The following OPCML variants were observed in gnomAD, a reference collection of about 807,000 sequenced individuals.
OPCML encodes the protein opioid-binding protein/cell adhesion molecule.
In OPCML, 13 loss-of-function variants were observed where a neutral mutation model predicts 37.8. The ratio of observed to expected loss-of-function variants is 0.34; its 90% confidence interval spans 0.22 to 0.55. The LOEUF (loss-of-function observed/expected upper bound fraction) is 0.55. Ranked by LOEUF, OPCML falls within the 20% of genes least tolerant of loss-of-function variation. The probability of loss-of-function intolerance (pLI) is 0.91; values close to 1 mark genes in which losing one functional copy is unlikely to be tolerated. For missense variants in OPCML, 341 were observed against 435.6 expected, an observed-to-expected ratio of 0.78 and a Z score of 1.93; for synonymous variants, 176 against 168.8, an observed-to-expected ratio of 1.04 and a Z score of -0.33.
In OPCML at chr11:132,872,815, C is replaced by G. The variant is rs116338841; in HGVS notation, c.146+70111G>C. Among the ~76,000 whole-genome samples the G allele has an allele frequency of 3.3e-3, 503 of 152,164 alleles. 2 individuals are homozygous for G. The highest frequency in any genetic ancestry group is 0.011 in the African/African-American group (475 of 41,528). On this transcript the variant is annotated intron_variant, in intron 2 of 7. Coordinates refer to ENST00000524381, the MANE Select transcript of OPCML (RefSeq NM_001012393.5). Reference sequence around the variant, plus strand: ...CCTGATTTTGCTACCATCCTCCATGCCTTGATTTCTTTTCCTGTCATGCCA... The same window carrying G: ...CCTGATTTTGCTACCATCCTCCATGGCTTGATTTCTTTTCCTGTCATGCCA...
chr11:133,451,826 G>A (rs991304553), intron 1 of OPCML, among the ~76,000 whole-genome samples: 1 of 149,964 alleles, frequency 6.7e-6, no homozygotes. Flanking sequence ...TGGGCAACAA[G>A]AGCAAAACTC....
intron 1 of OPCML, among the ~76,000 whole-genome samples, chr11:133,157,417 C>A (rs536596353): frequency 6.6e-6 from 1 of 152,324 alleles, no homozygotes; most frequent in East Asian, 1.9e-4. Context: ...CGTCAGCTGT[C>A]AATTTCTAAG....
chr11:133,395,158 C>T (rs1258641088), intron 1 of OPCML, among the ~76,000 whole-genome samples: 1 of 152,072 alleles, frequency 6.6e-6, no homozygotes, highest in African/African-American at 2.4e-5. Flanking sequence ...GCCTGTTTGC[C>T]ATTTGTATGT....
intron 2 of OPCML, among the ~76,000 whole-genome samples, chr11:132,869,299 G>A (rs1303976829): frequency 6.6e-6 from 1 of 152,118 alleles, no homozygotes; most frequent in African/African-American, 2.4e-5. Context: ...GCCCATCCAG[G>A]TGACAGCCCA....
chr11:132,435,167 G>C (rs1400047099), intron 7 of OPCML: 2 of 1,289,080 alleles, frequency 1.6e-6, no homozygotes, highest in African/African-American at 1.5e-5. Flanking sequence ...ACCTGCCACT[G>C]CTGATGAGGG....
At chr11:132,441,811 C>T (rs2096036639) in intron 4 of OPCML, among the ~76,000 whole-genome samples, 1 of 152,144 alleles carries the variant, frequency 6.6e-6, no homozygotes, top group Non-Finnish European at 1.5e-5. Context: ...GGGGTTGTTG[C>T]CTCAGATGCA....
At chr11:132,941,180 G>T (rs1945564851) in intron 2 of OPCML, among the ~76,000 whole-genome samples, 1 of 152,106 alleles carries the variant, frequency 6.6e-6, no homozygotes, top group East Asian at 1.9e-4. Context: ...TAGAATTGAA[G>T]ATCATGAAAA....
intron 1 of OPCML, among the ~76,000 whole-genome samples, chr11:133,267,231 G>A (rs1941688712): frequency 6.6e-6 from 1 of 152,150 alleles, no homozygotes; most frequent in Non-Finnish European, 1.5e-5. Flanking sequence ...CAGTGTCTCT[G>A]AGCGTCACAC....
At chr11:133,389,783 C>T (rs936533767) in intron 1 of OPCML, among the ~76,000 whole-genome samples, 1 of 152,152 alleles carries the variant, frequency 6.6e-6, no homozygotes, top group Non-Finnish European at 1.5e-5. Flanking sequence ...AGATGCAGGG[C>T]CCATCTCTCT....
chr11:133,226,234 G>T (rs144285670), intron 1 of OPCML, among the ~76,000 whole-genome samples: 2,176 of 152,370 alleles, frequency 0.014, 17 homozygotes, highest in South Asian at 0.028. Flanking sequence ...CCTGCCCCTT[G>T]GCAGGCACTG....
intron 1 of OPCML, chr11:133,006,348 A>T (rs1947112115): frequency 1.4e-6 from 1 of 731,138 alleles, no homozygotes; most frequent in Non-Finnish European, 1.7e-6. Context: ...TCTTACTACC[A>T]TTGAAATGGT....
chr11:133,451,855 C>A (rs1295215290), intron 1 of OPCML, among the ~76,000 whole-genome samples: 1 of 150,668 alleles, frequency 6.6e-6, no homozygotes, highest in African/African-American at 2.5e-5. Context: ...AAAAAAAAAT[C>A]GGTTTAAATA....
intron 2 of OPCML, among the ~76,000 whole-genome samples, chr11:132,882,118 C>T (rs916556683): frequency 6.6e-6 from 1 of 152,040 alleles, no homozygotes; most frequent in Non-Finnish European, 1.5e-5. Flanking sequence ...TCCTTAACTA[C>T]AGAGGAGGGG....
chr11:133,492,538 G>T (rs1947687098), intron 1 of OPCML, among the ~76,000 whole-genome samples: 1 of 152,012 alleles, frequency 6.6e-6, no homozygotes, highest in Non-Finnish European at 1.5e-5. Flanking sequence ...TAATAACAAA[G>T]TAAGACATGG....
intron 2 of OPCML, among the ~76,000 whole-genome samples, chr11:132,754,647 T>A (rs1373809992): frequency 6.6e-6 from 1 of 152,066 alleles, no homozygotes; most frequent in East Asian, 1.9e-4. Flanking sequence ...GAGATTCTCC[T>A]GAGAAAGAGG....
chr11:132,480,339 A>T (rs2096175085), intron 4 of OPCML, among the ~76,000 whole-genome samples: 1 of 152,216 alleles, frequency 6.6e-6, no homozygotes, highest in African/African-American at 2.4e-5. Context: ...AAAAGAAACG[A>T]GTAAAGCCTT....
chr11:133,418,909 A>C (rs1256565742), intron 1 of OPCML, among the ~76,000 whole-genome samples: 3 of 151,992 alleles, frequency 2.0e-5, no homozygotes, highest in African/African-American at 7.3e-5. Context: ...TGACCAGCTG[A>C]CTCCACCTGG....
At chr11:133,324,588 C>T (rs936211059) in intron 1 of OPCML, among the ~76,000 whole-genome samples, 1 of 152,146 alleles carries the variant, frequency 6.6e-6, no homozygotes, top group Non-Finnish European at 1.5e-5. Flanking sequence ...CGCCTACGGG[C>T]CTCTGTGCCC....
chr11:132,840,442 G>T (rs904649300), intron 2 of OPCML, among the ~76,000 whole-genome samples: 1 of 152,124 alleles, frequency 6.6e-6, no homozygotes. Flanking sequence ...CACTGGGCCC[G>T]TTTTGCTCAT....
Sources: gnomAD v4.1 joint callset for allele counts (sites outside exome capture counted in the v4.1 genomes callset) on GRCh38, gnomAD v4.1.1 for gene constraint, MANE v1.5 for transcripts, NCBI Gene and HGNC (gene_info 2026-07-23, HGNC 2026-07-21) for gene names.